Variants in TMEM163 observed in about 807,000 individuals in gnomAD.
TMEM163 encodes transmembrane protein 163.
In TMEM163, 17 loss-of-function variants were observed where a neutral mutation model predicts 29.3. The ratio of observed to expected loss-of-function variants is 0.58; its 90% CI spans 0.40 to 0.87. The LOEUF (loss-of-function observed/expected upper bound fraction) is 0.87, where lower values mean the gene tolerates loss of function less well. TMEM163 is among the 40% of genes least tolerant of loss of function. The pLI is 0.00. For synonymous variants in TMEM163, 157 were observed against 160.6 expected, an observed-to-expected ratio of 0.98 and a Z score of 0.17; for missense variants, 303 against 381.5, an observed-to-expected ratio of 0.79 and a Z score of 1.71.
At chr2:134,497,249 C>T (rs954330320) in intron 5 of TMEM163, among the ~76,000 whole-genome samples, 1 of 152,178 alleles carries the variant, frequency 6.6e-6, no homozygotes, top group Non-Finnish European at 1.5e-5. Context: ...AAACTCTAGC[C>T]ATTATTGCTA....
chr2:134,671,375 T>G (rs958098686), intron 2 of TMEM163, among the ~76,000 whole-genome samples: 2 of 151,898 alleles, frequency 1.3e-5, no homozygotes, highest in Non-Finnish European at 2.9e-5. Flanking sequence ...TTGCTACTTC[T>G]CCCCAAACCA....
intron 2 of TMEM163, among the ~76,000 whole-genome samples, chr2:134,697,507 C>T (rs1381876953): frequency 6.7e-6 from 1 of 149,208 alleles, no homozygotes; most frequent in African/African-American, 2.5e-5. Context: ...TCTTGTCACC[C>T]AGGCTGGAGT....
chr2:134,663,308 G>T (rs1311672208), intron 2 of TMEM163, among the ~76,000 whole-genome samples: 1 of 152,176 alleles, frequency 6.6e-6, no homozygotes, highest in African/African-American at 2.4e-5. Context: ...ATATTTCAAG[G>T]CCTGCTGGGT....
Position 134,673,487 on chromosome 2 carries a change from C to A in TMEM163, c.322+39713G>T, listed in dbSNP as rs1123184. On this transcript the variant is annotated intron_variant, in intron 2 of 7. Transcript: ENST00000281924. ...AGTGCTCCCCAAAGATGTTCACAAC[C>A]TAATCCCCAGATCCTGTGAATATAT... is the stretch of plus-strand genomic sequence containing the variant. Among the ~76,000 whole-genome samples the A allele has an allele frequency of 1.3e-3, 194 of 152,090 alleles. 2 individuals are homozygous for A. Among genetic ancestry groups the A allele is most frequent in the Middle Eastern group, 0.01 (3 of 292 alleles).
intron 2 of TMEM163, among the ~76,000 whole-genome samples, chr2:134,556,369 G>GAA (rs1260200263): frequency 1.3e-5 from 2 of 152,158 alleles, no homozygotes; most frequent in Non-Finnish European, 2.9e-5. Context: ...GTAAGAAATG[G>GAA]AAAAACACTT....
At chr2:134,531,688 G>C (rs1229290228) in intron 4 of TMEM163, among the ~76,000 whole-genome samples, 1 of 151,488 alleles carries the variant, frequency 6.6e-6, no homozygotes, top group Non-Finnish European at 1.5e-5. Context: ...ACAGGAGAAG[G>C]GGGTACAGTG....
At chr2:134,589,348 G>A (rs1681890459) in intron 2 of TMEM163, among the ~76,000 whole-genome samples, 1 of 152,202 alleles carries the variant, frequency 6.6e-6, no homozygotes, top group Admixed American at 6.5e-5. Flanking sequence ...CTTAGTCACT[G>A]GATGAGATGG....
intron 2 of TMEM163, 31 bp downstream of exon 2, chr2:134,713,169 C>T (rs769993162): frequency 1.9e-6 from 3 of 1,608,770 alleles, no homozygotes; most frequent in East Asian, 2.2e-5. Flanking sequence ...AACAGCAGCA[C>T]ATATTGGCCG....
intron 2 of TMEM163, among the ~76,000 whole-genome samples, chr2:134,573,151 CAT>C (rs1001835529): frequency 7.2e-5 from 11 of 152,172 alleles, no homozygotes; most frequent in African/African-American, 1.4e-4. Context: ...GTCTTCCCCA[CAT>C]GTTATTATCA....
At chr2:134,684,059 G>C (rs1037047420) in intron 2 of TMEM163, among the ~76,000 whole-genome samples, 1 of 152,072 alleles carries the variant, frequency 6.6e-6, no homozygotes, top group African/African-American at 2.4e-5. Context: ...CATGTGTTAG[G>C]ACCAATACTC....
chr2:134,493,362 C>CTTTTTTTTTTT lies in TMEM163; in HGVS notation c.555+9528_555+9538dup, dbSNP rs1159013721. Among the ~76,000 whole-genome samples the CTTTTTTTTTTT allele has an allele frequency of 4.2e-4, 21 of 49,850 alleles. 4 individuals carry two copies. The highest frequency in any genetic ancestry group is 0.019 in the Middle Eastern group (1 of 52). 32.7% of individuals were successfully genotyped at this position (49,850 alleles called of 152,430 possible). ...GACTTATGGTTCAAGCTTTTGGTGT[C>CTTTTTTTTTTT]TTTTTTTTTTTTTTTTTTTTTTTTT... On this transcript the variant is annotated intron_variant, in intron 5 of 7. Coordinates refer to ENST00000281924, the MANE Select transcript of TMEM163 (RefSeq NM_030923.5).
intron 4 of TMEM163, among the ~76,000 whole-genome samples, chr2:134,506,700 C>T (rs187932173): frequency 6.6e-6 from 1 of 152,374 alleles, no homozygotes; most frequent in East Asian, 1.9e-4. Flanking sequence ...CACACCACCA[C>T]TGCCCTGGGA....
At chr2:134,685,199 C>G (rs1057161098) in intron 2 of TMEM163, among the ~76,000 whole-genome samples, 7 of 152,226 alleles carry the variant, frequency 4.6e-5, no homozygotes, top group African/African-American at 1.7e-4. Flanking sequence ...TCTGAAGCCA[C>G]TCATTGCATC....
At chr2:134,517,031 A>T (rs1359159401) in intron 4 of TMEM163, among the ~76,000 whole-genome samples, 1 of 152,084 alleles carries the variant, frequency 6.6e-6, no homozygotes. Flanking sequence ...ACTCCTTATC[A>T]TGCTGACTTG....
At chr2:134,600,708 C>T (rs557086548) in intron 2 of TMEM163, among the ~76,000 whole-genome samples, 1 of 152,310 alleles carries the variant, frequency 6.6e-6, no homozygotes, top group Admixed American at 6.5e-5. Context: ...AGACTCTCTA[C>T]TCATCTAAGT....
chr2:134,572,008 C>T (rs1344122210), intron 2 of TMEM163, among the ~76,000 whole-genome samples: 2 of 152,214 alleles, frequency 1.3e-5, no homozygotes, highest in Non-Finnish European at 2.9e-5. Context: ...TACTTACTAG[C>T]TATGTTGCCA....
intron 2 of TMEM163, among the ~76,000 whole-genome samples, chr2:134,708,438 G>C (rs1193821254): frequency 6.6e-6 from 1 of 152,002 alleles, no homozygotes; most frequent in Non-Finnish European, 1.5e-5. Flanking sequence ...ATTTTTAAGG[G>C]TTAAGAGTTT....
chr2:134,677,109 A>C (rs544127774), intron 2 of TMEM163, among the ~76,000 whole-genome samples: 3 of 152,268 alleles, frequency 2.0e-5, no homozygotes, highest in East Asian at 3.9e-4. Flanking sequence ...GCTCCAAATC[A>C]AAGCAGGTCA....
intron 2 of TMEM163, among the ~76,000 whole-genome samples, chr2:134,612,646 T>A (rs1407161961): frequency 6.6e-6 from 1 of 151,646 alleles, no homozygotes; most frequent in Non-Finnish European, 1.5e-5. Context: ...TAATCACTAG[T>A]GGACGACTAA....
Sources: allele counts gnomAD v4.1 joint callset (sites outside exome capture counted in the v4.1 genomes callset), GRCh38; gene constraint gnomAD v4.1.1; transcripts MANE v1.5; gene names NCBI Gene and HGNC (gene_info 2026-07-23, HGNC 2026-07-21).